ENPP2: variants seen among roughly 807,000 people sequenced by gnomAD.
ENPP2 encodes the protein autotaxin.
ENPP2 carries 51 observed loss-of-function variants against 120.2 expected under a neutral mutation model. The observed-to-expected ratio is 0.42, with a 90% CI of 0.34 to 0.54. The LOEUF is 0.54. ENPP2 is among the 20% of genes least tolerant of loss of function. ENPP2 has a pLI of 0.04. For missense variants in ENPP2, 920 were observed against 1,066.5 expected (o/e 0.86, Z 1.91); for synonymous variants, 365 against 366.4 (o/e 1.00, Z 0.04).
At chr8:119,606,384 G>T (rs1407633657) in intron 9 of ENPP2, among the ~76,000 whole-genome samples, 1 of 152,124 alleles carries the variant, frequency 6.6e-6, no homozygotes, top group African/African-American at 2.4e-5. Context: ...TTTCAGGGGG[G>T]CAAAGGTGGG....
At chr8:119,586,120 A>G in intron 15 of ENPP2, 66 bp downstream of exon 15, 2 of 1,531,400 alleles carry the variant, frequency 1.3e-6, no homozygotes, top group Non-Finnish European at 1.8e-6. Context: ...GGATGATAAA[A>G]TATTTCCAGT....
In ENPP2 at chr8:119,599,459, C is replaced by A. The variant is rs1181206984; in HGVS notation, c.972+1219G>T. On this transcript the variant is annotated intron_variant, in intron 11 of 24. Transcript: ENST00000075322. ...GTATGTTTAAACCAAGATATGTTTA[C>A]CTGTATTTCTAATTCATCTGAAAAC... 3.3e-5 allele frequency among the ~76,000 whole-genome samples: 5 copies of A among 152,252 alleles called. No homozygotes were observed. The South Asian group carries it at 6.2e-4, about 19-fold the overall frequency.
intron 8 of ENPP2, among the ~76,000 whole-genome samples, 191 bp from the exon 9 acceptor site, chr8:119,608,168 T>C (rs1306115111): frequency 1.3e-5 from 2 of 152,254 alleles, no homozygotes; most frequent in Admixed American, 6.5e-5. Context: ...TTATTCAATA[T>C]ATTCTCTGCA....
rs191111304 is a variant in ENPP2, at chr8:119,589,523, T to G, written c.1207+982A>C. Among the ~76,000 whole-genome samples the G allele has an allele frequency of 9.6e-4, 146 of 152,298 alleles. 1 individual carries two copies. Among genetic ancestry groups the G allele is most frequent in the African/African-American group, 2.6e-3 (109 of 41,556 alleles). On this transcript the variant is annotated intron_variant, in intron 13 of 24. Transcript: ENST00000075322. The stretch of plus-strand genomic sequence containing the variant: ...TTGCATAGCCCTGAAGTGCAAATAC[T>G]AAAATCGAGGGGTGCCATAGTGACT...
intron 3 of ENPP2, 72 bp downstream of exon 3, chr8:119,626,493 C>A: frequency 7.7e-7 from 1 of 1,298,274 alleles, no homozygotes; most frequent in Admixed American, 1.7e-5. Flanking sequence ...GTGGCCACTC[C>A]AGGATGCATA....
intron 15 of ENPP2, among the ~76,000 whole-genome samples, chr8:119,584,930 G>A (rs755131336): frequency 3.3e-5 from 5 of 152,138 alleles, no homozygotes; most frequent in Non-Finnish European, 7.4e-5. Flanking sequence ...GGGATAATAA[G>A]ACATATGCAT....
chr8:119,559,103 C>G (rs564755638), intron 24 of ENPP2, among the ~76,000 whole-genome samples: 1 of 152,236 alleles, frequency 6.6e-6, no homozygotes, highest in African/African-American at 2.4e-5. Context: ...ACCCTCCTAA[C>G]CCAACCTAAC....
At chr8:119,586,931 G>T in intron 14 of ENPP2, 113 bp downstream of exon 14, 1 of 822,736 alleles carries the variant, frequency 1.2e-6, no homozygotes, top group Non-Finnish European at 2.0e-6. Flanking sequence ...GCAGGGCAGT[G>T]AGGAAAGTGT....
At chr8:119,628,022 G>C (rs199926701) in intron 2 of ENPP2, among the ~76,000 whole-genome samples, 25 of 151,152 alleles carry the variant, frequency 1.7e-4, no homozygotes, top group Non-Finnish European at 3.1e-4. Flanking sequence ...CATGAAACTT[G>C]AAAAAATTTT....
At chr8:119,574,806 T>G (rs964985306) in intron 19 of ENPP2, among the ~76,000 whole-genome samples, 1 of 152,226 alleles carries the variant, frequency 6.6e-6, no homozygotes, top group African/African-American at 2.4e-5. Flanking sequence ...TTCCTTTTCT[T>G]GCATACTTTC....
intron 8 of ENPP2, among the ~76,000 whole-genome samples, chr8:119,611,695 G>A (rs936172891): frequency 2.0e-5 from 3 of 152,166 alleles, no homozygotes; most frequent in Admixed American, 6.5e-5. Context: ...CATGGGACCC[G>A]CAGTGTAAAG....
At chr8:119,666,463 T>G (rs973084895) in intron 1 of ENPP2, among the ~76,000 whole-genome samples, 5 of 152,054 alleles carry the variant, frequency 3.3e-5, no homozygotes, top group Non-Finnish European at 7.4e-5. Context: ...TAATGCAACC[T>G]ATCACATTAT....
intron 13 of ENPP2, among the ~76,000 whole-genome samples, chr8:119,587,626 G>A (rs60973152): frequency 1.1e-3 from 172 of 152,186 alleles, no homozygotes; most frequent in African/African-American, 4.1e-3. Context: ...AGACACACAC[G>A]TGCATGCACC....
chr8:119,570,872 G>A (rs924754963), intron 19 of ENPP2, 31 bp from the exon 20 acceptor site: 5 of 1,434,918 alleles, frequency 3.5e-6, no homozygotes, highest in Non-Finnish European at 4.6e-6. Context: ...ACTGTGTTAG[G>A]TGCATATTAA....
At chr8:119,589,594 G>A (rs1813360757) in intron 13 of ENPP2, among the ~76,000 whole-genome samples, 1 of 152,160 alleles carries the variant, frequency 6.6e-6, no homozygotes. Flanking sequence ...ACAGGGACAG[G>A]AAAGGTCATG....
At chr8:119,640,305 A>T (rs1817238401), upstream of ENPP2, among the ~76,000 whole-genome samples, 1 of 152,232 alleles carries the variant, frequency 6.6e-6, no homozygotes, top group Admixed American at 6.5e-5. Context: ...GGAGTAGGGT[A>T]TTTAGCAAGG....
chr8:119,624,722 C>A (rs1002034239), intron 3 of ENPP2, among the ~76,000 whole-genome samples: 1 of 152,092 alleles, frequency 6.6e-6, no homozygotes, highest in Non-Finnish European at 1.5e-5. Context: ...CAGATACTTT[C>A]GCACACATGC....
In ENPP2 at chr8:119,584,012, A is replaced by G. The variant is rs1218830399; in HGVS notation, c.1405T>C (p.Cys469Arg). The G allele has an allele frequency of 6.2e-7, 1 of 1,613,258 alleles. No homozygotes were observed. The highest frequency in any genetic ancestry group is 8.5e-7 in the Non-Finnish European group (1 of 1,179,406). ...LDVYKKPSGK[C>R]FFQGDHGFDN... ...AATCCGTGGTCTCCCTGGAAAAAGC[A>G]TTTTCCTGATGGTTTCTTATAAACA... Residue 469 changes from cysteine to arginine, a missense_variant, in exon 16 of 25, where the codon TGC (cysteine) becomes CGC (arginine). Physicochemically the swap from Cys to Arg is radical, Grantham distance 180. Transcript: ENST00000075322.
Position 119,557,484 on chromosome 8 carries a change from AC to A in ENPP2, c.*36del, listed in dbSNP as rs779051318. ...TACAAAAACAATATAAAAATATACA[AC>A]CAGTTGATAAGACTGTACTGCAGAT... On this transcript the variant is annotated 3_prime_UTR_variant, in exon 25 of 25. Transcript: ENST00000075322. The A allele has an allele frequency of 1.7e-5, 26 of 1,486,676 alleles. No individual in the cohort carries two copies. The highest frequency in any genetic ancestry group is 2.2e-5 in the Non-Finnish European group (24 of 1,089,530). The allele number at this position is 1,486,676 out of a possible 1,614,324, so 92.1% of individuals were successfully genotyped here. A position where few individuals can be genotyped will look rare whatever the true frequency, so the allele number is the denominator to read the frequency against.
Sources: allele counts gnomAD v4.1 joint callset (sites outside exome capture counted in the v4.1 genomes callset), GRCh38; gene constraint gnomAD v4.1.1; transcripts MANE v1.5; gene names NCBI Gene and HGNC (gene_info 2026-07-23, HGNC 2026-07-21).